Variants in POFUT1 observed in about 807,000 individuals in gnomAD.
POFUT1 encodes protein O-fucosyltransferase 1, also known as GDP-fucose protein O-fucosyltransferase 1.
Under a neutral mutation model 42.4 loss-of-function variants are expected in POFUT1, and 16 were observed. The observed-to-expected ratio is 0.38, with a 90% CI of 0.26 to 0.57. The LOEUF is 0.57. POFUT1 is among the 20% of genes least tolerant of loss of function. The pLI, the probability that POFUT1 is intolerant of heterozygous loss-of-function variation, is 0.71. For missense variants in POFUT1, 470 were observed against 504.6 expected (o/e 0.93, Z 0.66); for synonymous variants, 206 against 205.4 (o/e 1.00, Z -0.03).
chr20:32,213,230 G>C (rs1325723873), intron 2 of POFUT1, among the ~76,000 whole-genome samples: 1 of 152,086 alleles, frequency 6.6e-6, no homozygotes, highest in African/African-American at 2.4e-5. Flanking sequence ...CGCAGTGGGA[G>C]GCGGGCAAAT....
rs562281752 is a variant in POFUT1, at chr20:32,236,082, T to A, written c.*1421T>A. 3 of 152,400 alleles carry A rather than the reference T, an allele frequency of 2.0e-5. No homozygotes were observed. The South Asian group carries it at 6.2e-4, about 32-fold the overall frequency. The allele number at this position is 152,400 out of a possible 1,614,324, so 9.4% of individuals were successfully genotyped here. On this transcript the variant is annotated 3_prime_UTR_variant, in exon 7 of 7. Coordinates refer to ENST00000375749, the MANE Select transcript of POFUT1 (RefSeq NM_015352.2). The stretch of plus-strand genomic sequence containing the variant: ...GCAGGAGAAACTGTACAGAAAGGGC[T>A]TTGCTATTTTTCCCTTTTGGGAAAA...
At chr20:32,215,506 C>A in intron 3 of POFUT1, 55 bp downstream of exon 3, 1 of 1,447,222 alleles carries the variant, frequency 6.9e-7, no homozygotes, top group Non-Finnish European at 9.5e-7. Context: ...CTCTAGGCCC[C>A]CAAGACTATG....
rs1488066171 is a variant in POFUT1 at position 32,234,990 on chromosome 20, G to A, written c.*329G>A. The A allele has an allele frequency of 1.8e-5, 4 of 221,426 alleles. No individual in the cohort carries two copies. Among genetic ancestry groups the A allele is most frequent in the Non-Finnish European group, 3.5e-5 (4 of 112,884 alleles). The allele number at this position is 221,426 out of a possible 1,614,324, so 13.7% of individuals were successfully genotyped here. On this transcript the variant is annotated 3_prime_UTR_variant, in exon 7 of 7. Coordinates refer to ENST00000375749, the MANE Select transcript of POFUT1 (RefSeq NM_015352.2). ...CCTGGGATGCTGAACTCTTCAGAGA[G>A]ATTTTTTTATAGAGAGATTTCTATA... is the stretch of plus-strand genomic sequence containing the variant.
At chr20:32,225,112 A>C (rs1417566381) in intron 4 of POFUT1, among the ~76,000 whole-genome samples, 3 of 152,234 alleles carry the variant, frequency 2.0e-5, no homozygotes, top group Admixed American at 6.5e-5. Flanking sequence ...TGGCTGTACT[A>C]TTCATTTAAC....
rs768569747 is a variant in POFUT1 at position 32,228,368 on chromosome 20, C to T, written c.648C>T (p.Asp216=). 24 of 1,614,206 alleles carry T rather than the reference C, an allele frequency of 1.5e-5. No homozygotes were observed. The highest frequency in any genetic ancestry group is 1.9e-5 in the Non-Finnish European group (22 of 1,180,014). Reference sequence around the variant, plus strand: ...TACAGAAGTACATGGTATGGTCAGACGAAATGGTGAAGACGGGAGAGGCCC... The same window carrying T: ...TACAGAAGTACATGGTATGGTCAGATGAAATGGTGAAGACGGGAGAGGCCC... ...RPLQKYMVWS[D]EMVKTGEAQI... is the part of the protein sequence containing the mutation. Residue 216 remains aspartate (D), a synonymous_variant, in exon 5 of 7, where the codon GAC becomes GAT. Transcript: ENST00000375749.
chr20:32,230,042 T>C (rs2047434025), intron 5 of POFUT1, among the ~76,000 whole-genome samples: 1 of 151,942 alleles, frequency 6.6e-6, no homozygotes, highest in Non-Finnish European at 1.5e-5. Context: ...CCTCCCAAGA[T>C]GCTGGGATTA....
chr20:32,234,422 G>A (rs993565071), intron 6 of POFUT1, 51 bp from the exon 7 acceptor site: 6 of 1,502,770 alleles, frequency 4.0e-6, no homozygotes, highest in Non-Finnish European at 5.4e-6. Context: ...TGGATGGCAG[G>A]CCTTGGCCTG....
intron 2 of POFUT1, among the ~76,000 whole-genome samples, chr20:32,212,762 A>G (rs569118543): frequency 9.9e-5 from 15 of 152,182 alleles, no homozygotes; most frequent in African/African-American, 2.9e-4. Flanking sequence ...TTGTATTTTT[A>G]GTAAAGACGA....
Position 32,215,257 on chromosome 20 carries a change from C to T in POFUT1, c.247-12C>T, listed in dbSNP as rs759168589. ...CACTGAGACGGGACCTCTGCTCCTC[C>T]TTTTCCTGTAGCTCCATGTGTCCTA... On this transcript the variant is annotated splice_polypyrimidine_tract_variant and intron_variant, in intron 2 of 6. Coordinates refer to ENST00000375749, the MANE Select transcript of POFUT1 (RefSeq NM_015352.2). 1.2e-6 allele frequency: 2 copies of T among 1,601,068 alleles called. No individual in the cohort carries two copies. Among genetic ancestry groups the T allele is most frequent in the South Asian group, 2.2e-5 (2 of 90,828 alleles).
At chr20:32,213,304 A>G (rs1325665136) in intron 2 of POFUT1, among the ~76,000 whole-genome samples, 3 of 151,986 alleles carry the variant, frequency 2.0e-5, no homozygotes, top group Non-Finnish European at 4.4e-5. Flanking sequence ...TCTGCTAAAA[A>G]AGTTAGCTGG....
In POFUT1 at chr20:32,237,049, C is replaced by G. The variant is rs1054545955; in HGVS notation, c.*2388C>G. ...TGGAGACCTCCTATGGAAAAATGAT[C>G]AGCCACCTTACCTTCTACTGGGTAC... On this transcript the variant is annotated 3_prime_UTR_variant, in exon 7 of 7. Transcript: ENST00000375749. 1 of 152,212 alleles carries G rather than the reference C, an allele frequency of 6.6e-6. No individual in the cohort carries two copies. The highest frequency in any genetic ancestry group is 2.4e-5 in the African/African-American group (1 of 41,446). The allele number at this position is 152,212 out of a possible 1,614,324, so 9.4% of individuals were successfully genotyped here. A position where few individuals can be genotyped will look rare whatever the true frequency, so the allele number is the denominator to read the frequency against.
rs376777378 is a variant in POFUT1, at chr20:32,234,530, C to G, written c.1036C>G (p.Gln346Glu). The change falls in exon 7 of 7, where the codon CAA becomes GAA. Residue 346 changes from glutamine to glutamate, a missense_variant. Physicochemically the swap from Gln to Glu is conservative, Grantham distance 29. Transcript: ENST00000375749. ...CCAGGTCGACCTGTACATCCTCGGC[C>G]AAGCCGACCACTTTATTGGCAACTG... ...VAQVDLYILG[Q>E]ADHFIGNCVS... 119 of 1,613,976 alleles carry G rather than the reference C, an allele frequency of 7.4e-5. No individual in the cohort carries two copies. The highest frequency in any genetic ancestry group is 9.4e-5 in the Non-Finnish European group (111 of 1,179,944).
intron 2 of POFUT1, among the ~76,000 whole-genome samples, chr20:32,212,513 G>T (rs2047335029): frequency 6.6e-6 from 1 of 152,054 alleles, no homozygotes; most frequent in African/African-American, 2.4e-5. Context: ...CAGTCCTCCT[G>T]CCTCAGCCTC....
In POFUT1 at chr20:32,231,239, T is replaced by C. The variant is rs3818219; in HGVS notation, c.978+178T>C. ...AGCTCAGAGGCCTCCTCCGTAGTCT[T>C]TCCAGGTTTTCATCCACTCCTGGAG... is the stretch of plus-strand genomic sequence containing the variant. On this transcript the variant is annotated intron_variant, in intron 6 of 6. Transcript: ENST00000375749. The C allele has an allele frequency of 0.18, 111,947 of 639,098 alleles. 11,602 individuals are homozygous for C. Among genetic ancestry groups the C allele is most frequent in the African/African-American group, 0.35 (18,911 of 54,628 alleles). The allele number at this position is 639,098 out of a possible 1,614,324, so 39.6% of individuals were successfully genotyped here.
Position 32,236,495 on chromosome 20 carries a change from C to T in POFUT1, c.*1834C>T, listed in dbSNP as rs2047471595. 6.6e-6 allele frequency: 1 copy of T among 152,210 alleles called. No individual in the cohort carries two copies. Among genetic ancestry groups the T allele is most frequent in the Admixed American group, 6.5e-5 (1 of 15,270 alleles). The allele number at this position is 152,210 out of a possible 1,614,324, so 9.4% of individuals were successfully genotyped here. A position where few individuals can be genotyped will look rare whatever the true frequency, so the allele number is the denominator to read the frequency against. ...TGAGACTGCATGCCCAGCTCCAAATCACCTTGATTCATATCAGCAGTAATA... is the reference window on the plus strand; with the variant it reads ...TGAGACTGCATGCCCAGCTCCAAATTACCTTGATTCATATCAGCAGTAATA... On this transcript the variant is annotated 3_prime_UTR_variant, in exon 7 of 7. Coordinates refer to ENST00000375749, the MANE Select transcript of POFUT1 (RefSeq NM_015352.2).
chr20:32,219,622 A>G (rs2047380706), intron 4 of POFUT1, among the ~76,000 whole-genome samples: 1 of 148,886 alleles, frequency 6.7e-6, no homozygotes, highest in Admixed American at 6.8e-5. Flanking sequence ...TCAGCCTCCC[A>G]AGTAGCTGGG....
chr20:32,225,885 G>C (rs932091993), intron 4 of POFUT1, among the ~76,000 whole-genome samples: 1 of 152,174 alleles, frequency 6.6e-6, no homozygotes, highest in African/African-American at 2.4e-5. Flanking sequence ...GGCACAGAGT[G>C]GTAAAGTCAC....
chr20:32,228,590 A>G, intron 5 of POFUT1, 135 bp downstream of exon 5: 2 of 715,914 alleles, frequency 2.8e-6, no homozygotes, highest in Non-Finnish European at 2.3e-6. Context: ...ATTGTGTCCC[A>G]TCATCCCACT....
In POFUT1 at chr20:32,234,784, A is replaced by T. The variant is rs1350458540; in HGVS notation, c.*123A>T. The T allele has an allele frequency of 5.9e-6, 5 of 849,006 alleles. No individual in the cohort carries two copies. Among genetic ancestry groups the T allele is most frequent in the Non-Finnish European group, 8.9e-6 (5 of 558,802 alleles). 52.6% of individuals were successfully genotyped at this position (849,006 alleles called of 1,614,324 possible). A position where few individuals can be genotyped will look rare whatever the true frequency, so the allele number is the denominator to read the frequency against. On this transcript the variant is annotated 3_prime_UTR_variant, in exon 7 of 7. Coordinates refer to ENST00000375749, the MANE Select transcript of POFUT1 (RefSeq NM_015352.2). The stretch of plus-strand genomic sequence containing the variant: ...AAACTCCTCTTCTCACCTGCCAAAG[A>T]TGGAGAAGAGTGCCAGGGACCCCTC...
Sources: allele counts gnomAD v4.1 joint callset (sites outside exome capture counted in the v4.1 genomes callset), GRCh38; gene constraint gnomAD v4.1.1; transcripts MANE v1.5; gene names NCBI Gene and HGNC (gene_info 2026-07-23, HGNC 2026-07-21).